APOO: variants seen among roughly 807,000 people sequenced by gnomAD.
The protein encoded by APOO is MICOS complex subunit MIC26.
Under a neutral mutation model 23.1 loss-of-function variants are expected in APOO, and 11 were observed. The observed-to-expected ratio is 0.48, with a 90% CI of 0.30 to 0.79. The LOEUF (loss-of-function observed/expected upper bound fraction) is 0.79. APOO is among the 30% of genes least tolerant of loss of function. The pLI is 0.07. For missense variants in APOO, 160 were observed against 142.7 expected (o/e 1.12, Z -0.62); for synonymous variants, 59 against 54.8 (o/e 1.08, Z -0.34).
chrX:23,842,979 G>C (rs765503079), intron 7 of APOO, among the ~76,000 whole-genome samples: 1 of 112,050 alleles, frequency 8.9e-6, no homozygotes, highest in Non-Finnish European at 1.9e-5. Context: ...TTGCACTCCA[G>C]CCTGGGCAAC....
At chrX:23,856,009 G>A (rs980907862) in intron 7 of APOO, among the ~76,000 whole-genome samples, 9 of 111,718 alleles carry the variant, frequency 8.1e-5, no homozygotes, top group African/African-American at 2.6e-4. Flanking sequence ...TAAATAATAC[G>A]CTACACTTAG....
Position 23,907,671 on chromosome X carries a change from G to A in APOO, c.9+23C>T, listed in dbSNP as rs757328266. On this transcript the variant is annotated intron_variant, in intron 1 of 8. Coordinates refer to ENST00000379226, the MANE Select transcript of APOO (RefSeq NM_024122.5). Reference sequence around the variant, plus strand: ...CGGCCGGGAGGGGGCGGTGACAGCTGTGACTCGACTCCACGCTCTCACCTT... The same window carrying A: ...CGGCCGGGAGGGGGCGGTGACAGCTATGACTCGACTCCACGCTCTCACCTT... 3.5e-6 allele frequency: 4 copies of A among 1,154,082 alleles called. No homozygotes were observed. In the East Asian group the frequency reaches 1.0e-4, roughly 29 times the overall value.
chrX:23,900,848 G>A (rs1217528312), intron 1 of APOO, among the ~76,000 whole-genome samples: 1 of 110,862 alleles, frequency 9.0e-6, no homozygotes, highest in African/African-American at 3.3e-5. Context: ...ACAACCAATT[G>A]ATTCTGCACA....
chrX:23,888,849 C>CAAAAAAAAAAA (rs11338273), intron 1 of APOO, among the ~76,000 whole-genome samples: 1 of 41,286 alleles, frequency 2.4e-5, no homozygotes. Flanking sequence ...GATTTCATCT[C>CAAAAAAAAAAA]AAAAAAAAAA....
rs773190287 is a variant in APOO, at chrX:23,907,678, G to T, written c.9+16C>A. 3 of 1,156,062 alleles carry T rather than the reference G, an allele frequency of 2.6e-6. No individual in the cohort carries two copies. The highest frequency in any genetic ancestry group is 3.5e-6 in the Non-Finnish European group (3 of 868,491). On this transcript the variant is annotated intron_variant, in intron 1 of 8. Coordinates refer to ENST00000379226, the MANE Select transcript of APOO (RefSeq NM_024122.5). ...GAGGGGGCGGTGACAGCTGTGACTC[G>T]ACTCCACGCTCTCACCTTGAACATG...
rs2090295760 is a variant in APOO, at chrX:23,907,635, G to A, written c.9+59C>T. On this transcript the variant is annotated intron_variant, in intron 1 of 8. Coordinates refer to ENST00000379226, the MANE Select transcript of APOO (RefSeq NM_024122.5). ...CAGAGAGGCCCCAAGAGAGCGCGGG[G>A]AGGGCTCGGGCGGCCGGGAGGGGGC... is the stretch of plus-strand genomic sequence containing the variant. The A allele has an allele frequency of 6.2e-6, 7 of 1,131,313 alleles. No homozygotes were observed. In the African/African-American group the frequency reaches 7.2e-5, roughly 12 times the overall value. 93.2% of individuals were successfully genotyped at this position (1,131,313 alleles called of 1,213,427 possible). A position where few individuals can be genotyped will look rare whatever the true frequency, so the allele number is the denominator to read the frequency against.
At chrX:23,850,844 A>C (rs947345449) in intron 7 of APOO, among the ~76,000 whole-genome samples, 3 of 111,349 alleles carry the variant, frequency 2.7e-5, no homozygotes, top group African/African-American at 6.5e-5. Flanking sequence ...AACAACAACA[A>C]CACAAAGAAA....
intron 2 of APOO, 130 bp downstream of exon 2, chrX:23,880,699 AAAATAAATAAATAAAT>A (rs751766793): frequency 7.2e-4 from 125 of 172,837 alleles, no homozygotes; most frequent in Middle Eastern, 5.0e-3. Flanking sequence ...ACTCCGTCTC[AAAATAAATAAATAAAT>A]AAATAAATAA....
intron 1 of APOO, among the ~76,000 whole-genome samples, chrX:23,893,473 C>A (rs1383152364): frequency 9.0e-6 from 1 of 110,896 alleles, no homozygotes; most frequent in African/African-American, 3.3e-5. Flanking sequence ...AGAAATGAGT[C>A]CACAATTCTT....
intron 1 of APOO, among the ~76,000 whole-genome samples, chrX:23,891,319 C>T (rs990150830): frequency 2.7e-5 from 3 of 111,136 alleles, no homozygotes; most frequent in Non-Finnish European, 5.7e-5. Context: ...CTCCGCCTCC[C>T]GGGTTCAAGG....
At chrX:23,903,444 C>G (rs1173976126) in intron 1 of APOO, among the ~76,000 whole-genome samples, 3 of 110,877 alleles carry the variant, frequency 2.7e-5, no homozygotes, top group Non-Finnish European at 5.7e-5. Context: ...TAACAAGAGT[C>G]ACATGCCCAT....
At position 23,865,601 on chromosome X, in the gene APOO, CAA is replaced by C. The variant is rs60702124; in HGVS notation, c.388+2990_388+2991del. On this transcript the variant is annotated intron_variant, in intron 5 of 8. Coordinates refer to ENST00000379226, the MANE Select transcript of APOO (RefSeq NM_024122.5). Reference sequence around the variant, plus strand: ...TCTCGGCAACAGAGCAAGACTGTCTCAAAAAAAAAAAAAAGAAACTCCTATCA... The same window carrying C: ...TCTCGGCAACAGAGCAAGACTGTCTCAAAAAAAAAAAAGAAACTCCTATCA... 1.4e-3 allele frequency among the ~76,000 whole-genome samples: 125 copies of C among 91,352 alleles called. 1 individual carries two copies. The highest frequency in any genetic ancestry group is 0.011 in the Admixed American group (94 of 8,227). 79.3% of individuals were successfully genotyped at this position (91,352 alleles called of 115,157 possible). A position where few individuals can be genotyped will look rare whatever the true frequency, so the allele number is the denominator to read the frequency against.
intron 1 of APOO, among the ~76,000 whole-genome samples, chrX:23,889,583 A>C (rs1406371231): frequency 9.1e-6 from 1 of 109,304 alleles, no homozygotes; most frequent in African/African-American, 3.3e-5. Flanking sequence ...CATTTATAAT[A>C]TATGCCAGCT....
At chrX:23,897,903 G>A (rs1231372407) in intron 1 of APOO, among the ~76,000 whole-genome samples, 1 of 106,693 alleles carries the variant, frequency 9.4e-6, no homozygotes, top group Non-Finnish European at 1.9e-5. Flanking sequence ...GGTGAGGCAG[G>A]AGGATCGCTT....
intron 1 of APOO, among the ~76,000 whole-genome samples, chrX:23,888,740 C>T (rs1248124868): frequency 9.4e-6 from 1 of 105,920 alleles, no homozygotes; most frequent in Non-Finnish European, 1.9e-5. Flanking sequence ...GTCCCAGCTA[C>T]TCGGGAGGCT....
At chrX:23,838,237 C>T (rs1843671744) in intron 8 of APOO, among the ~76,000 whole-genome samples, 1 of 98,102 alleles carries the variant, frequency 1.0e-5, no homozygotes, top group South Asian at 5.6e-4. Flanking sequence ...TGCCTGTAAT[C>T]CCAGCTACTT....
chrX:23,896,731 TG>T (rs1458480297), intron 1 of APOO, among the ~76,000 whole-genome samples: 1 of 110,488 alleles, frequency 9.1e-6, no homozygotes, highest in Non-Finnish European at 1.9e-5. Flanking sequence ...CTTGAACTCC[TG>T]GGCTCACCTA....
intron 1 of APOO, among the ~76,000 whole-genome samples, chrX:23,903,816 T>C (rs765182405): frequency 1.8e-5 from 2 of 111,841 alleles, no homozygotes; most frequent in South Asian, 7.6e-4. Flanking sequence ...ACCACTGGTC[T>C]ACAATCTCTC....
chrX:23,876,310 T>C (rs1925850311), intron 3 of APOO, among the ~76,000 whole-genome samples: 1 of 105,611 alleles, frequency 9.5e-6, no homozygotes, highest in Non-Finnish European at 1.9e-5. Flanking sequence ...TAGTTGGGCA[T>C]GGTGGTATGT....
Sources: allele counts gnomAD v4.1 joint callset (sites outside exome capture counted in the v4.1 genomes callset), GRCh38; gene constraint gnomAD v4.1.1; transcripts MANE v1.5; gene names NCBI Gene and HGNC (gene_info 2026-07-23, HGNC 2026-07-21).